The following CDYL2 variants were observed in gnomAD, a reference collection of about 807,000 sequenced individuals.
CDYL2 encodes the protein chromodomain Y-like protein 2.
A neutral mutation model predicts 49.4 loss-of-function variants in CDYL2; 23 were observed. The ratio of observed to expected loss-of-function variants is 0.47; its 90% confidence interval spans 0.34 to 0.66. CDYL2 has a LOEUF of 0.66. Ranked by LOEUF, CDYL2 falls within the 30% of genes least tolerant of loss-of-function variation. CDYL2 has a pLI of 0.01. For missense variants in CDYL2, 678 were observed against 656.4 expected (o/e 1.03, Z -0.36); for synonymous variants, 360 against 268.8 (o/e 1.34, Z -3.32).
intron 1 of CDYL2, among the ~76,000 whole-genome samples, chr16:80,780,975 T>C (rs1198914030): frequency 6.6e-6 from 1 of 152,206 alleles, no homozygotes; most frequent in African/African-American, 2.4e-5. Context: ...TTGTGATGTC[T>C]TAACTTACCC....
chr16:80,660,445 G>A (rs2142433738), intron 2 of CDYL2, among the ~76,000 whole-genome samples: 1 of 152,100 alleles, frequency 6.6e-6, no homozygotes. Flanking sequence ...TATGTGTGCT[G>A]AAGTTTAAAA....
chr16:80,768,855 A>C (rs180678137), intron 1 of CDYL2, among the ~76,000 whole-genome samples: 1 of 152,362 alleles, frequency 6.6e-6, no homozygotes, highest in African/African-American at 2.4e-5. Flanking sequence ...AAGATGCTTT[A>C]GGATTAGAAG....
At chr16:80,619,395 C>T (rs999411074) in intron 4 of CDYL2, among the ~76,000 whole-genome samples, 5 of 152,278 alleles carry the variant, frequency 3.3e-5, no homozygotes, top group African/African-American at 7.2e-5. Context: ...GGAGTGAAAA[C>T]GAGGGGCTGT....
At chr16:80,654,631 C>T (rs1481419553) in intron 2 of CDYL2, among the ~76,000 whole-genome samples, 2 of 152,188 alleles carry the variant, frequency 1.3e-5, no homozygotes, top group Non-Finnish European at 2.9e-5. Flanking sequence ...CATTGGGAAT[C>T]TTGGAATCTC....
chr16:80,629,898 A>G (rs13330767), intron 3 of CDYL2, among the ~76,000 whole-genome samples: 8,509 of 152,278 alleles, frequency 0.056, 725 homozygotes, highest in African/African-American at 0.18. Flanking sequence ...CATACCTCCT[A>G]TATGCCAGGT....
chr16:80,762,414 A>C (rs112450040), intron 1 of CDYL2, among the ~76,000 whole-genome samples: 1 of 152,308 alleles, frequency 6.6e-6, no homozygotes, highest in Non-Finnish European at 1.5e-5. Context: ...ATATGACTAC[A>C]GTCCATACAA....
intron 2 of CDYL2, among the ~76,000 whole-genome samples, chr16:80,662,944 C>T (rs557453890): frequency 4.6e-5 from 7 of 151,892 alleles, no homozygotes; most frequent in South Asian, 4.2e-4. Flanking sequence ...GCACAAAGAA[C>T]GACACAAGTC....
intron 1 of CDYL2, among the ~76,000 whole-genome samples, chr16:80,718,635 GCTGAAGGAGCTGGAAGTCCAGT>G (rs1433748916): frequency 1.7e-4 from 26 of 152,222 alleles, no homozygotes; most frequent in Non-Finnish European, 2.8e-4. Flanking sequence ...AAAGAATGCA[GCTGAAGGAGCTGGAAGTCCAGT>G]CTGGCAAGTG....
rs1458352560 is a variant in CDYL2, at chr16:80,599,699, A to C, written c.*4689T>G. The stretch of plus-strand genomic sequence containing the variant: ...GACCTTACCCAGAATGGACGTTTCC[A>C]AGTCATCGACAAGGAATCTGGGGCC... On this transcript the variant is annotated 3_prime_UTR_variant, in exon 7 of 7. Coordinates refer to ENST00000570137, the MANE Select transcript of CDYL2 (RefSeq NM_152342.4). 1 of 152,210 alleles carries C rather than the reference A, an allele frequency of 6.6e-6. No individual in the cohort carries two copies. Among genetic ancestry groups the C allele is most frequent in the Non-Finnish European group, 1.5e-5 (1 of 68,052 alleles). 9.4% of individuals were successfully genotyped at this position (152,210 alleles called of 1,614,324 possible).
intron 1 of CDYL2, among the ~76,000 whole-genome samples, chr16:80,721,539 C>A (rs187189256): frequency 1.3e-5 from 2 of 152,318 alleles, no homozygotes; most frequent in Admixed American, 1.3e-4. Context: ...TCTGCCTTGT[C>A]TGCAGGAGCC....
At chr16:80,644,049 T>A (rs1301835633) in intron 2 of CDYL2, among the ~76,000 whole-genome samples, 3 of 152,238 alleles carry the variant, frequency 2.0e-5, no homozygotes, top group African/African-American at 7.2e-5. Flanking sequence ...GTTTCCCTTT[T>A]AAAACTGAAT....
At chr16:80,710,682 G>C (rs779669247) in intron 1 of CDYL2, among the ~76,000 whole-genome samples, 2 of 152,044 alleles carry the variant, frequency 1.3e-5, no homozygotes, top group Non-Finnish European at 1.5e-5. Flanking sequence ...TGTCACGATA[G>C]GATTGAAGGT....
At chr16:80,639,443 C>T (rs1308051682) in intron 2 of CDYL2, among the ~76,000 whole-genome samples, 1 of 152,172 alleles carries the variant, frequency 6.6e-6, no homozygotes, top group Admixed American at 6.5e-5. Flanking sequence ...AAATTGGAAG[C>T]AACCATTGTG....
intron 2 of CDYL2, among the ~76,000 whole-genome samples, chr16:80,637,168 G>T (rs952051886): frequency 6.6e-6 from 1 of 151,648 alleles, no homozygotes; most frequent in Non-Finnish European, 1.5e-5. Context: ...AAACCTGCAC[G>T]TTCTGTATAT....
At chr16:80,692,331 T>C (rs768779805) in intron 1 of CDYL2, among the ~76,000 whole-genome samples, 25 of 152,202 alleles carry the variant, frequency 1.6e-4, no homozygotes, top group Non-Finnish European at 3.4e-4. Flanking sequence ...AACATTATGT[T>C]CCAGAACACC....
intron 2 of CDYL2, among the ~76,000 whole-genome samples, chr16:80,677,976 T>C (rs1352989688): frequency 6.6e-6 from 1 of 151,868 alleles, no homozygotes; most frequent in Non-Finnish European, 1.5e-5. Flanking sequence ...AACTATCTGA[T>C]CTTTGACAAA....
rs113340497 is a variant in CDYL2, at chr16:80,684,492, T to G, written c.616+46A>C. The stretch of plus-strand genomic sequence containing the variant: ...CCTAGGCTACAGGCAGAGCTCCCCT[T>G]TCGCCATGGCCAGAGCCAAACCCAA... On this transcript the variant is annotated intron_variant, in intron 2 of 6. Transcript: ENST00000570137. 2,072 of 1,562,260 alleles carry G rather than the reference T, an allele frequency of 1.3e-3. 22 individuals are homozygous for G. In the African/African-American group the frequency reaches 0.025, roughly 19 times the overall value.
intron 1 of CDYL2, among the ~76,000 whole-genome samples, chr16:80,762,091 C>A (rs1457467703): frequency 6.6e-6 from 1 of 151,974 alleles, no homozygotes; most frequent in Non-Finnish European, 1.5e-5. Flanking sequence ...GAGGCTGAGG[C>A]AGGAGGATCA....
At chr16:80,767,281 T>C (rs1363880221) in intron 1 of CDYL2, among the ~76,000 whole-genome samples, 1 of 152,204 alleles carries the variant, frequency 6.6e-6, no homozygotes, top group Non-Finnish European at 1.5e-5. Flanking sequence ...ACAGAATTTT[T>C]CAAAGAAAAG....
Sources: gnomAD v4.1 joint callset for allele counts (sites outside exome capture counted in the v4.1 genomes callset) on GRCh38, gnomAD v4.1.1 for gene constraint, MANE v1.5 for transcripts, NCBI Gene and HGNC (gene_info 2026-07-23, HGNC 2026-07-21) for gene names.